DNER: variants seen among roughly 807,000 people sequenced by gnomAD.
DNER encodes the protein delta/notch like EGF repeat containing.
In DNER, 33 loss-of-function variants were observed where a neutral mutation model predicts 78.2. The observed-to-expected ratio is 0.42, with a 90% CI of 0.32 to 0.56. DNER has a LOEUF of 0.56. Ranked by LOEUF, DNER falls within the 20% of genes least tolerant of loss-of-function variation. DNER has a pLI of 0.11. For missense variants in DNER, 918 were observed against 975.3 expected, an observed-to-expected ratio of 0.94 and a Z score of 0.78; for synonymous variants, 417 against 384.8, an observed-to-expected ratio of 1.08 and a Z score of -0.98.
chr2:229,499,444 CAAAAAAAAA>C (rs777417272), intron 6 of DNER, among the ~76,000 whole-genome samples: 3 of 74,820 alleles, frequency 4.0e-5, no homozygotes, highest in African/African-American at 1.5e-4. Context: ...GACTCCAACT[CAAAAAAAAA>C]AAAAAAAAGG....
chr2:229,553,460 TAGAC>T (rs1391978823), intron 4 of DNER, among the ~76,000 whole-genome samples: 10 of 152,250 alleles, frequency 6.6e-5, no homozygotes, highest in African/African-American at 1.7e-4. Context: ...TCATGAGTGT[TAGAC>T]AGAGGAACAC....
intron 11 of DNER, among the ~76,000 whole-genome samples, chr2:229,376,023 G>A (rs1232288666): frequency 6.6e-6 from 1 of 152,110 alleles, no homozygotes; most frequent in Non-Finnish European, 1.5e-5. Context: ...TCTCCTTCCT[G>A]CCACCTTGTG....
At chr2:229,603,772 T>C (rs547541730) in intron 1 of DNER, among the ~76,000 whole-genome samples, 2 of 143,356 alleles carry the variant, frequency 1.4e-5, no homozygotes, top group Non-Finnish European at 3.0e-5. Flanking sequence ...AAGTTTGTGC[T>C]TTGCAATTTT....
rs183175917 is a variant in DNER, at chr2:229,425,363, G to A, written c.1487-7133C>T. Among the ~76,000 whole-genome samples the A allele has an allele frequency of 4.6e-3, 696 of 152,248 alleles. 1 individual carries two copies. The highest frequency in any genetic ancestry group is 0.015 in the South Asian group (74 of 4,832). On this transcript the variant is annotated intron_variant, in intron 8 of 12. Transcript: ENST00000341772. ...AGCCTCCAGCCACATGGTGAAGCTG[G>A]TTTCTAGCTAGTGCTCTTCCTACTT... is the stretch of plus-strand genomic sequence containing the variant.
At chr2:229,502,291 G>A (rs1695635893) in intron 6 of DNER, among the ~76,000 whole-genome samples, 1 of 152,196 alleles carries the variant, frequency 6.6e-6, no homozygotes, top group South Asian at 2.1e-4. Flanking sequence ...ATCTACGGGT[G>A]CTCCCTTGAG....
rs555302324 is a variant in DNER at position 229,688,116 on chromosome 2, C to T, written c.276+26032G>A. On this transcript the variant is annotated intron_variant, in intron 1 of 12. Coordinates refer to ENST00000341772, the MANE Select transcript of DNER (RefSeq NM_139072.4). ...ACCTACTTCACCAGAGAAGTACAATCGGGGTGTTAAGAGCTCCTCCCATGA... is the reference window on the plus strand; with the variant it reads ...ACCTACTTCACCAGAGAAGTACAATTGGGGTGTTAAGAGCTCCTCCCATGA... Among the ~76,000 whole-genome samples, 26 of 152,310 alleles carry T rather than the reference C, an allele frequency of 1.7e-4. No individual in the cohort carries two copies. In the South Asian group the frequency reaches 5.0e-3, roughly 29 times the overall value.
At chr2:229,375,125 G>T (rs926793596) in intron 11 of DNER, among the ~76,000 whole-genome samples, 6 of 152,140 alleles carry the variant, frequency 3.9e-5, no homozygotes, top group African/African-American at 9.7e-5. Context: ...CAGCAAATTG[G>T]TTATTAACCC....
At chr2:229,700,643 G>A (rs571877717) in intron 1 of DNER, among the ~76,000 whole-genome samples, 3 of 152,122 alleles carry the variant, frequency 2.0e-5, no homozygotes, top group East Asian at 1.9e-4. Flanking sequence ...GGCCAGGCAC[G>A]GTGGCTCATG....
intron 6 of DNER, among the ~76,000 whole-genome samples, chr2:229,510,040 AAGC>A (rs1695832746): frequency 1.3e-5 from 2 of 152,138 alleles, no homozygotes; most frequent in Non-Finnish European, 2.9e-5. Flanking sequence ...GTAGTTACCC[AAGC>A]AAAAAGGAGA....
At chr2:229,428,090 AAAG>A (rs1020617437) in intron 8 of DNER, among the ~76,000 whole-genome samples, 6 of 151,366 alleles carry the variant, frequency 4.0e-5, no homozygotes, top group African/African-American at 7.2e-5. Flanking sequence ...AAAAAAAAAA[AAAG>A]AGAAAAAAAG....
chr2:229,512,988 T>A (rs1385340856), intron 5 of DNER, 52 bp from the exon 6 acceptor site: 1 of 1,551,902 alleles, frequency 6.4e-7, no homozygotes, highest in Non-Finnish European at 8.7e-7. Flanking sequence ...CTCAACAGTG[T>A]GCTTTGGCTG....
chr2:229,411,514 G>A (rs112159740), intron 9 of DNER, among the ~76,000 whole-genome samples: 2,400 of 151,964 alleles, frequency 0.016, 60 homozygotes, highest in African/African-American at 0.054. Context: ...CCAAGATAGC[G>A]CCATTGCACT....
Position 229,358,097 on chromosome 2 carries a change from A to C in DNER, c.*443T>G, listed in dbSNP as rs921906956. 6.5e-6 allele frequency: 1 copy of C among 152,982 alleles called. No homozygotes were observed. Among genetic ancestry groups the C allele is most frequent in the African/African-American group, 2.4e-5 (1 of 41,462 alleles). 9.5% of individuals were successfully genotyped at this position (152,982 alleles called of 1,614,324 possible). On this transcript the variant is annotated 3_prime_UTR_variant, in exon 13 of 13. Transcript: ENST00000341772. ...AAATTTAACTAGTTTCTTTTCCACA[A>C]AACGAACATTTCAGACTTCTTTTTA... is the stretch of plus-strand genomic sequence containing the variant.
At chr2:229,391,349 G>A (rs569935354) in intron 10 of DNER, among the ~76,000 whole-genome samples, 69 of 151,920 alleles carry the variant, frequency 4.5e-4, no homozygotes, top group Non-Finnish European at 8.1e-4. Context: ...AAATCTTTAA[G>A]CTTTTGCTGC....
chr2:229,635,343 T>C (rs1241193401), intron 1 of DNER, among the ~76,000 whole-genome samples: 1 of 119,300 alleles, frequency 8.4e-6, no homozygotes, highest in African/African-American at 3.4e-5. Context: ...TTTCTATGGA[T>C]GCACTAAGGT....
chr2:229,364,480 C>T (rs1168777800), intron 12 of DNER, among the ~76,000 whole-genome samples: 3 of 152,114 alleles, frequency 2.0e-5, no homozygotes, highest in Non-Finnish European at 4.4e-5. Flanking sequence ...ATCAGGGCTT[C>T]CTGGTTGTTG....
At chr2:229,555,547 A>G (rs1696840755) in intron 4 of DNER, among the ~76,000 whole-genome samples, 2 of 152,146 alleles carry the variant, frequency 1.3e-5, no homozygotes, top group South Asian at 4.1e-4. Flanking sequence ...GTAAAACATC[A>G]TGTACCTCTT....
At position 229,498,709 on chromosome 2, in the gene DNER, G is replaced by A. The variant is rs1695549319; in HGVS notation, c.1147+14074C>T. Reference sequence around the variant, plus strand: ...ACTTAGAAATACATTAAACCAAGTAGGGGAAATATCTGTAAATTTAAAACT... The same window carrying A: ...ACTTAGAAATACATTAAACCAAGTAAGGGAAATATCTGTAAATTTAAAACT... On this transcript the variant is annotated intron_variant, in intron 6 of 12. Transcript: ENST00000341772. Among the ~76,000 whole-genome samples the A allele has an allele frequency of 2.0e-5, 3 of 152,064 alleles. No individual in the cohort carries two copies. The South Asian group carries it at 6.2e-4, about 32-fold the overall frequency.
At chr2:229,658,598 T>C (rs1698952080) in intron 1 of DNER, among the ~76,000 whole-genome samples, 1 of 152,236 alleles carries the variant, frequency 6.6e-6, no homozygotes, top group Non-Finnish European at 1.5e-5. Flanking sequence ...ACAATGTGCC[T>C]GTTATTTAAG....
Sources: gnomAD v4.1 joint callset for allele counts (sites outside exome capture counted in the v4.1 genomes callset) on GRCh38, gnomAD v4.1.1 for gene constraint, MANE v1.5 for transcripts, NCBI Gene and HGNC (gene_info 2026-07-23, HGNC 2026-07-21) for gene names.